The following EPSTI1 variants were observed in gnomAD, a reference collection of about 807,000 sequenced individuals.
EPSTI1 encodes the protein epithelial stromal interaction 1.
In EPSTI1, 66 loss-of-function variants were observed where a neutral mutation model predicts 49.9. The ratio of observed to expected loss-of-function variants is 1.32; its 90% CI spans 1.08 to 1.62. The LOEUF (loss-of-function observed/expected upper bound fraction) is 1.62, where lower values mean the gene tolerates loss of function less well. Ranked by LOEUF, EPSTI1 falls within the 40% of genes most tolerant of loss-of-function variation. EPSTI1 has a pLI of 0.00. For synonymous variants in EPSTI1, 137 were observed against 130.7 expected (o/e 1.05, Z -0.33); for missense variants, 394 against 365.5 (o/e 1.08, Z -0.64).
intron 6 of EPSTI1, among the ~76,000 whole-genome samples, chr13:42,942,378 T>C (rs980370815): frequency 6.6e-6 from 1 of 152,166 alleles, no homozygotes; most frequent in African/African-American, 2.4e-5. Context: ...CTTTTCTGCC[T>C]TTTATTGTAA....
intron 1 of EPSTI1, among the ~76,000 whole-genome samples, chr13:42,988,558 C>CTAAAAATA (rs2040125537): frequency 6.6e-6 from 1 of 152,092 alleles, no homozygotes; most frequent in African/African-American, 2.4e-5. Flanking sequence ...TGGCGAAACC[C>CTAAAAATA]CGTCTCTACT....
At position 42,986,133 on chromosome 13, in the gene EPSTI1, C is replaced by G. The variant is rs374987756; in HGVS notation, c.188+5845G>C. Among the ~76,000 whole-genome samples, 25 of 152,322 alleles carry G rather than the reference C, an allele frequency of 1.6e-4. No homozygotes were observed. In the East Asian group the frequency reaches 4.8e-3, roughly 29 times the overall value. On this transcript the variant is annotated intron_variant, in intron 1 of 10. Coordinates refer to ENST00000313624, the MANE Select transcript of EPSTI1 (RefSeq NM_033255.5). Reference sequence around the variant, plus strand: ...TGGGTGCAGCACAAGCCAGCACTCACAGGCAAGGTGTAATGGATCCAAAAG... The same window carrying G: ...TGGGTGCAGCACAAGCCAGCACTCAGAGGCAAGGTGTAATGGATCCAAAAG...
chr13:42,904,287 G>A (rs2037438412), intron 8 of EPSTI1, among the ~76,000 whole-genome samples: 1 of 152,108 alleles, frequency 6.6e-6, no homozygotes, highest in Admixed American at 6.6e-5. Flanking sequence ...AAAGAAAAAG[G>A]GCCAAGGGAT....
At chr13:42,980,672 G>A (rs912255413) in intron 1 of EPSTI1, among the ~76,000 whole-genome samples, 1 of 152,134 alleles carries the variant, frequency 6.6e-6, no homozygotes, top group Non-Finnish European at 1.5e-5. Flanking sequence ...TTTGGGTGGG[G>A]ACACAGCCAA....
chr13:42,899,024 C>A (rs1407882830), intron 9 of EPSTI1, among the ~76,000 whole-genome samples: 3 of 151,808 alleles, frequency 2.0e-5, no homozygotes, highest in Non-Finnish European at 4.4e-5. Context: ...ACAGTGAAAC[C>A]CCGTCTCCAC....
intron 4 of EPSTI1, 43 bp from the exon 5 acceptor site, chr13:42,963,381 T>G: frequency 6.6e-7 from 1 of 1,504,296 alleles, no homozygotes; most frequent in South Asian, 1.2e-5. Context: ...CAGTTACCAT[T>G]TTTCAGTCTG....
intron 9 of EPSTI1, among the ~76,000 whole-genome samples, chr13:42,899,299 C>G (rs549508696): frequency 2.6e-5 from 4 of 152,148 alleles, no homozygotes; most frequent in East Asian, 1.9e-4. Flanking sequence ...GCTTCCCCAC[C>G]ACCATCTTAC....
chr13:42,980,975 A>C (rs1176758392), intron 1 of EPSTI1, among the ~76,000 whole-genome samples: 1 of 152,256 alleles, frequency 6.6e-6, no homozygotes, highest in East Asian at 1.9e-4. Flanking sequence ...TTACAAGATT[A>C]GGTAGCATAG....
chr13:42,992,181 G>A lies in EPSTI1; in HGVS notation c.-16C>T, dbSNP rs1246974893. On this transcript the variant is annotated 5_prime_UTR_variant, in exon 1 of 11. Transcript: ENST00000313624. Reference sequence around the variant, plus strand: ...GGGTGTTCATGGTTCACAGCCCGCGGGTCCCGGGCCGCCGTCGCTGCGGGA... The same window carrying A: ...GGGTGTTCATGGTTCACAGCCCGCGAGTCCCGGGCCGCCGTCGCTGCGGGA... The A allele has an allele frequency of 1.4e-5, 22 of 1,530,598 alleles. No individual in the cohort carries two copies. Among genetic ancestry groups the A allele is most frequent in the Non-Finnish European group, 1.9e-5 (22 of 1,141,020 alleles). The allele number at this position is 1,530,598 out of a possible 1,614,324, so 94.8% of individuals were successfully genotyped here. A position where few individuals can be genotyped will look rare whatever the true frequency, so the allele number is the denominator to read the frequency against.
chr13:42,901,295 C>T (rs2037345013), intron 8 of EPSTI1, among the ~76,000 whole-genome samples: 1 of 152,036 alleles, frequency 6.6e-6, no homozygotes, highest in Admixed American at 6.6e-5. Flanking sequence ...GAAAAGTATA[C>T]AAAAAAACTC....
At chr13:42,934,911 T>C (rs2038506825) in intron 6 of EPSTI1, 1 of 173,138 alleles carries the variant, frequency 5.8e-6, no homozygotes, top group Non-Finnish European at 1.3e-5. Flanking sequence ...TCACTGCCTT[T>C]TAAATATAGT....
chr13:42,910,257 C>CTTTTT (rs71099807), intron 8 of EPSTI1, among the ~76,000 whole-genome samples: 3 of 97,636 alleles, frequency 3.1e-5, no homozygotes, highest in African/African-American at 4.1e-5. Flanking sequence ...TTAACCAAAT[C>CTTTTT]TTTTTTTTTT....
At chr13:42,890,550 G>A (rs556254769) in intron 10 of EPSTI1, among the ~76,000 whole-genome samples, 6 of 152,036 alleles carry the variant, frequency 3.9e-5, no homozygotes, top group African/African-American at 7.2e-5. Flanking sequence ...CGCCCACCTC[G>A]GCCTCCCAAT....
rs552604411 is a variant in EPSTI1 at position 42,922,202 on chromosome 13, C to T, written c.657+4134G>A. ...ATACCAACACATATTAACAGATATTCGGAGCTAACTAAGAAAAGAAACAGG... is the reference window on the plus strand; with the variant it reads ...ATACCAACACATATTAACAGATATTTGGAGCTAACTAAGAAAAGAAACAGG... On this transcript the variant is annotated intron_variant, in intron 7 of 10. Coordinates refer to ENST00000313624, the MANE Select transcript of EPSTI1 (RefSeq NM_033255.5). This position sits in a 1 kb window ranked among gnomAD's most constrained non-coding sequence, Gnocchi z 4.8. Among the ~76,000 whole-genome samples, 87 of 152,262 alleles carry T rather than the reference C, an allele frequency of 5.7e-4. No individual in the cohort carries two copies. The highest frequency in any genetic ancestry group is 1.7e-3 in the African/African-American group (70 of 41,534).
chr13:42,900,482 A>G, intron 8 of EPSTI1, 99 bp from the exon 9 acceptor site: 3 of 1,179,388 alleles, frequency 2.5e-6, no homozygotes, highest in Non-Finnish European at 3.6e-6. Context: ...CTGGTACAAT[A>G]TTTCATTTTT....
chr13:42,948,105 A>G (rs1394617976), intron 6 of EPSTI1, among the ~76,000 whole-genome samples: 1 of 152,226 alleles, frequency 6.6e-6, no homozygotes, highest in Non-Finnish European at 1.5e-5. Context: ...CACCCTGCAC[A>G]CCGGCGCCAC....
intron 5 of EPSTI1, among the ~76,000 whole-genome samples, chr13:42,959,991 TATAA>T (rs1284077464): frequency 6.8e-6 from 1 of 147,962 alleles, no homozygotes. Flanking sequence ...TATTAGGTAT[TATAA>T]ATAATCTAGA....
At position 42,917,536 on chromosome 13, in the gene EPSTI1, A is replaced by T. The variant is rs763280095; in HGVS notation, c.741+5T>A. On this transcript the variant is annotated splice_donor_5th_base_variant and intron_variant, in intron 8 of 10. Coordinates refer to ENST00000313624, the MANE Select transcript of EPSTI1 (RefSeq NM_033255.5). Reference sequence around the variant, plus strand: ...TAGCAATAACTAGTAGGGGCTTGTAAGTACCTTTTGATGTTGTTCATCCTT... The same window carrying T: ...TAGCAATAACTAGTAGGGGCTTGTATGTACCTTTTGATGTTGTTCATCCTT... The T allele has an allele frequency of 2.5e-6, 4 of 1,598,856 alleles. No homozygotes were observed. The highest frequency in any genetic ancestry group is 3.4e-6 in the Non-Finnish European group (4 of 1,170,512).
chr13:42,989,441 G>C (rs1046632819), intron 1 of EPSTI1, among the ~76,000 whole-genome samples: 4 of 151,978 alleles, frequency 2.6e-5, no homozygotes, highest in Non-Finnish European at 5.9e-5. Flanking sequence ...CCCCACACTG[G>C]GGCTGCAGGA....
Sources: gnomAD v4.1 joint callset for allele counts (sites outside exome capture counted in the v4.1 genomes callset) on GRCh38, gnomAD v4.1.1 for gene constraint, Gnocchi (gnomAD v3.1) non-coding constraint, MANE v1.5 for transcripts, NCBI Gene and HGNC (gene_info 2026-07-23, HGNC 2026-07-21) for gene names.